UMAD1: variants seen among roughly 807,000 people sequenced by gnomAD.
UMAD1 encodes the protein UBAP1-MVB12-associated (UMA)-domain containing protein 1.
In UMAD1, 8 loss-of-function variants were observed where a neutral mutation model predicts 6.1. The ratio of observed to expected loss-of-function variants is 1.30; its 90% confidence interval spans 0.76 to 2.35. The LOEUF (loss-of-function observed/expected upper bound fraction) is 2.35, where lower values mean the gene tolerates loss of function less well. Ranked by LOEUF, UMAD1 falls within the 30% of genes most tolerant of loss-of-function variation. The pLI is 0.00. For missense variants in UMAD1, 130 were observed against 78.4 expected, an observed-to-expected ratio of 1.66 and a Z score of -2.49; for synonymous variants, 56 against 31.4, an observed-to-expected ratio of 1.78 and a Z score of -2.61.
At chr7:7,749,208 C>G (rs1359579536) in intron 2 of UMAD1, among the ~76,000 whole-genome samples, 1 of 152,170 alleles carries the variant, frequency 6.6e-6, no homozygotes, top group Non-Finnish European at 1.5e-5. Flanking sequence ...ATAACTGCAA[C>G]AATTCCACAA....
chr7:7,763,615 G>T (rs986007159), intron 2 of UMAD1, among the ~76,000 whole-genome samples: 2 of 152,152 alleles, frequency 1.3e-5, no homozygotes, highest in Non-Finnish European at 2.9e-5. Flanking sequence ...GGTGGCTTAC[G>T]CCTGTAATCC....
chr7:7,666,517 C>A (rs563034416), intron 1 of UMAD1, among the ~76,000 whole-genome samples: 16 of 151,920 alleles, frequency 1.1e-4, no homozygotes, highest in Non-Finnish European at 2.4e-4. Context: ...CGGGGCAAAT[C>A]TTTTTAATTT....
chr7:7,671,354 C>T (rs967938136), intron 1 of UMAD1, among the ~76,000 whole-genome samples: 10 of 152,056 alleles, frequency 6.6e-5, no homozygotes, highest in Admixed American at 5.2e-4. Context: ...GTTGGAGACC[C>T]ACACCCTTAG....
chr7:7,831,989 A>G (rs112886399), intron 3 of UMAD1, among the ~76,000 whole-genome samples: 8 of 152,296 alleles, frequency 5.3e-5, no homozygotes, highest in Admixed American at 2.0e-4. Context: ...TTAGATGTGT[A>G]TGCAGTTTTT....
At chr7:7,805,449 A>T (rs1158962391) in intron 3 of UMAD1, among the ~76,000 whole-genome samples, 1 of 152,082 alleles carries the variant, frequency 6.6e-6, no homozygotes, top group African/African-American at 2.4e-5. Context: ...CCGGAATGTG[A>T]CTGCTGCTCA....
chr7:7,782,737 T>C (rs1263623522), intron 2 of UMAD1, among the ~76,000 whole-genome samples: 5 of 135,086 alleles, frequency 3.7e-5, no homozygotes, highest in Non-Finnish European at 7.5e-5. Flanking sequence ...CCTCTCTCTT[T>C]TTTTTTTTTT....
At chr7:7,692,664 C>CAGT (rs1780200129) in intron 2 of UMAD1, among the ~76,000 whole-genome samples, 1 of 152,182 alleles carries the variant, frequency 6.6e-6, no homozygotes, top group Admixed American at 6.5e-5. Context: ...GGCTGGAGTG[C>CAGT]AGTAGCGTGA....
chr7:7,664,740 T>G (rs181448573), intron 1 of UMAD1, among the ~76,000 whole-genome samples: 1 of 152,346 alleles, frequency 6.6e-6, no homozygotes, highest in African/African-American at 2.4e-5. Flanking sequence ...TGTTTTATGC[T>G]TTCTAGCGTT....
chr7:7,827,810 A>G (rs1783376875), intron 3 of UMAD1, among the ~76,000 whole-genome samples: 1 of 152,184 alleles, frequency 6.6e-6, no homozygotes, highest in Admixed American at 6.5e-5. Flanking sequence ...CAATAAGACA[A>G]TTCTGCCTTT....
chr7:7,773,934 C>A (rs149389481), intron 2 of UMAD1, among the ~76,000 whole-genome samples: 18 of 152,272 alleles, frequency 1.2e-4, no homozygotes, highest in African/African-American at 4.1e-4. Flanking sequence ...TAGAGAAGAA[C>A]CCTGGCTGCT....
At chr7:7,729,785 T>C (rs1781211990) in intron 2 of UMAD1, among the ~76,000 whole-genome samples, 2 of 152,188 alleles carry the variant, frequency 1.3e-5, no homozygotes, top group African/African-American at 4.8e-5. Flanking sequence ...GTGGTCTTGC[T>C]CCAGATTATA....
chr7:7,717,312 A>G (rs1388242045), intron 2 of UMAD1, among the ~76,000 whole-genome samples: 1 of 151,978 alleles, frequency 6.6e-6, no homozygotes, highest in Admixed American at 6.6e-5. Context: ...CTGCCTCAGC[A>G]TCCCAAAGTG....
At chr7:7,877,233 A>T (rs78147724) in intron 3 of UMAD1, 48 bp from the exon 4 acceptor site, 2 of 688,514 alleles carry the variant, frequency 2.9e-6, no homozygotes, top group Admixed American at 2.1e-5. Flanking sequence ...CCGTTATTCA[A>T]CCTCAAAGTT....
chr7:7,662,152 C>A (rs1055701596), intron 1 of UMAD1, among the ~76,000 whole-genome samples: 8 of 152,092 alleles, frequency 5.3e-5, no homozygotes, highest in Non-Finnish European at 1.0e-4. Context: ...TGGCAGATGC[C>A]CTTCCCCCCA....
intron 2 of UMAD1, among the ~76,000 whole-genome samples, chr7:7,791,897 T>C (rs1027629284): frequency 1.3e-5 from 2 of 152,276 alleles, no homozygotes; most frequent in Non-Finnish European, 2.9e-5. Flanking sequence ...TATAGAAATA[T>C]GTATGAAAAT....
intron 3 of UMAD1, among the ~76,000 whole-genome samples, chr7:7,805,570 C>T (rs1782896622): frequency 1.3e-5 from 2 of 152,138 alleles, no homozygotes; most frequent in African/African-American, 4.8e-5. Context: ...TCACATCACT[C>T]CTTGGCTTAA....
chr7:7,752,725 T>G (rs1392853358), intron 2 of UMAD1, among the ~76,000 whole-genome samples: 1 of 152,060 alleles, frequency 6.6e-6, no homozygotes, highest in Admixed American at 6.6e-5. Flanking sequence ...TAATCAAAAA[T>G]TTTAGAAAAA....
chr7:7,762,122 C>T (rs1781902705), intron 2 of UMAD1, among the ~76,000 whole-genome samples: 1 of 152,170 alleles, frequency 6.6e-6, no homozygotes, highest in South Asian at 2.1e-4. Flanking sequence ...ATTTTTTACA[C>T]AGTAGGTCAC....
intron 3 of UMAD1, among the ~76,000 whole-genome samples, chr7:7,814,283 C>G (rs567333266): frequency 2.4e-4 from 36 of 152,322 alleles, no homozygotes; most frequent in African/African-American, 7.9e-4. Flanking sequence ...TGTCATATTG[C>G]TTTTATACTA....
Sources: gnomAD v4.1 joint callset for allele counts (sites outside exome capture counted in the v4.1 genomes callset) on GRCh38, gnomAD v4.1.1 for gene constraint, MANE v1.5 for transcripts, NCBI Gene and HGNC (gene_info 2026-07-23, HGNC 2026-07-21) for gene names.